SLC25A10: variants seen among roughly 807,000 people sequenced by gnomAD.
SLC25A10 encodes the protein mitochondrial dicarboxylate carrier.
Under a neutral mutation model 40.4 loss-of-function variants are expected in SLC25A10, and 32 were observed. That is an observed-to-expected ratio of 0.79 (90% CI 0.60 to 1.06). The LOEUF is 1.06. SLC25A10 is among the 50% of genes least tolerant of loss of function. The probability of loss-of-function intolerance (pLI) is 0.00; values close to 1 mark genes in which losing one functional copy is unlikely to be tolerated. For missense variants in SLC25A10, 394 were observed against 402.6 expected (o/e 0.98, Z 0.18); for synonymous variants, 181 against 171.1 (o/e 1.06, Z -0.45).
intron 9 of SLC25A10, among the ~76,000 whole-genome samples, chr17:81,718,620 A>G (rs1475780819): frequency 6.6e-6 from 1 of 151,886 alleles, no homozygotes; most frequent in African/African-American, 2.4e-5. Flanking sequence ...GCACCACTGC[A>G]TTCCAGCCTG....
rs775458021 is a variant in SLC25A10, at chr17:81,716,764, GCCGGTGGT to G, written c.420-46_420-39del. 5 of 1,575,360 alleles carry G rather than the reference GCCGGTGGT, an allele frequency of 3.2e-6. No individual in the cohort carries two copies. The African/African-American group carries it at 6.7e-5, about 21-fold the overall frequency. Reference sequence around the variant, plus strand: ...GGGCCTGGGAGGACCCTCTGTGGGAGCCGGTGGTCAGGGGGAGTCTCATGTGGTCATTC... The same window carrying G: ...GGGCCTGGGAGGACCCTCTGTGGGAGCAGGGGGAGTCTCATGTGGTCATTC... On this transcript the variant is annotated intron_variant, in intron 5 of 10. Coordinates refer to ENST00000350690, the MANE Select transcript of SLC25A10 (RefSeq NM_012140.5).
rs1195744911 is a variant in SLC25A10, at chr17:81,720,322, C to G, written c.*245C>G. 26 of 1,428,650 alleles carry G rather than the reference C, an allele frequency of 1.8e-5. No individual in the cohort carries two copies. Among genetic ancestry groups the G allele is most frequent in the Non-Finnish European group, 5.5e-6 (6 of 1,096,856 alleles). 88.5% of individuals were successfully genotyped at this position (1,428,650 alleles called of 1,614,324 possible). On this transcript the variant is annotated 3_prime_UTR_variant, in exon 11 of 11. Transcript: ENST00000350690. The stretch of plus-strand genomic sequence containing the variant: ...CCCGGCTGGGCACTGCGTGGCCTTG[C>G]CCCTCTCCCGCTGGCAGCTCCTCAG...
At chr17:81,717,124 C>A in intron 7 of SLC25A10, 52 bp downstream of exon 7, 1 of 1,572,010 alleles carries the variant, frequency 6.4e-7, no homozygotes, top group Non-Finnish European at 8.7e-7. Flanking sequence ...CCACTGACCT[C>A]CATCTTCAGA....
chr17:81,716,335 G>A (rs1046808203), intron 5 of SLC25A10, among the ~76,000 whole-genome samples: 7 of 152,192 alleles, frequency 4.6e-5, no homozygotes, highest in East Asian at 3.9e-4. Context: ...TGGAGAGAGC[G>A]CATGCAACAG....
chr17:81,719,458 G>A (rs185486734), intron 9 of SLC25A10, among the ~76,000 whole-genome samples: 71 of 152,272 alleles, frequency 4.7e-4, no homozygotes, highest in African/African-American at 1.7e-3. Flanking sequence ...TTGGGCCCCC[G>A]CCAACTCCAT....
chr17:81,718,068 C>T (rs543378996), intron 9 of SLC25A10, among the ~76,000 whole-genome samples: 53 of 152,252 alleles, frequency 3.5e-4, no homozygotes, highest in African/African-American at 1.1e-3. Flanking sequence ...CTTCTTGGCC[C>T]GGCGCAGTGG....
At chr17:81,717,658 TG>T in intron 8 of SLC25A10, 125 bp from the exon 9 acceptor site, 1 of 1,314,268 alleles carries the variant, frequency 7.6e-7, no homozygotes, top group Non-Finnish European at 1.1e-6. Context: ...TGGGTCAGCC[TG>T]GTGCCCCCGC....
chr17:81,717,881 T>C lies in SLC25A10; in HGVS notation c.705+20T>C, dbSNP rs1346039825. On this transcript the variant is annotated intron_variant, in intron 9 of 10. Coordinates refer to ENST00000350690, the MANE Select transcript of SLC25A10 (RefSeq NM_012140.5). The stretch of plus-strand genomic sequence containing the variant: ...TATCAGGTGAGTGGGGCCCTGCCTG[T>C]GCAGTTGGGCTGCACAGCCCAGCGA... 2.5e-6 allele frequency: 4 copies of C among 1,588,402 alleles called. No homozygotes were observed. In the East Asian group the frequency reaches 6.8e-5, roughly 27 times the overall value.
Position 81,720,190 on chromosome 17 carries a change from C to G in SLC25A10, c.*113C>G, listed in dbSNP as rs1482718510. ...GACCTCCCTGGCCGTGGCCACCCGT[C>G]CTCCGCAGCAGGCCCCTGCTGTCCC... On this transcript the variant is annotated 3_prime_UTR_variant, in exon 11 of 11. Transcript: ENST00000350690. 14 of 1,509,348 alleles carry G rather than the reference C, an allele frequency of 9.3e-6. No individual in the cohort carries two copies. The highest frequency in any genetic ancestry group is 1.2e-5 in the Non-Finnish European group (14 of 1,136,728). The allele number at this position is 1,509,348 out of a possible 1,614,324, so 93.5% of individuals were successfully genotyped here.
chr17:81,716,681 G>A, intron 5 of SLC25A10, 131 bp from the exon 6 acceptor site: 1 of 877,604 alleles, frequency 1.1e-6, no homozygotes, highest in Non-Finnish European at 1.8e-6. Flanking sequence ...ATGTTCCCAG[G>A]GAGAGATCTT....
At chr17:81,713,809 A>G (rs1013873592) in intron 1 of SLC25A10, among the ~76,000 whole-genome samples, 2 of 151,976 alleles carry the variant, frequency 1.3e-5, no homozygotes, top group Admixed American at 6.5e-5. Flanking sequence ...GCCCTCCCCA[A>G]CCAGGCGCTC....
At chr17:81,719,942 C>T (rs2037560219) in intron 10 of SLC25A10, 34 bp from the exon 11 acceptor site, 1 of 1,613,382 alleles carries the variant, frequency 6.2e-7, no homozygotes, top group Non-Finnish European at 8.5e-7. Context: ...CCCCTTCGGG[C>T]TCTGTGTCTC....
intron 1 of SLC25A10, among the ~76,000 whole-genome samples, chr17:81,714,038 G>T (rs545518820): frequency 2.0e-5 from 3 of 152,220 alleles, no homozygotes; most frequent in Non-Finnish European, 2.9e-5. Flanking sequence ...TGGCCGGGAC[G>T]GGGGCTGCTA....
chr17:81,717,568 G>A, intron 8 of SLC25A10, 77 bp downstream of exon 8: 1 of 1,534,348 alleles, frequency 6.5e-7, no homozygotes, highest in Non-Finnish European at 9.0e-7. Flanking sequence ...TGGGGCGAGG[G>A]CTGGGGGAGG....
chr17:81,712,395 G>C lies in SLC25A10; in HGVS notation c.-32G>C, dbSNP rs1171007740. On this transcript the variant is annotated 5_prime_UTR_variant, in exon 1 of 11. Transcript: ENST00000350690. ...GCCGGGGTAGGGCCGGGGTCGGGTT[G>C]TGGTCGGGCCGGGATTGGGCTCTCC... 2.4e-6 allele frequency: 3 copies of C among 1,241,534 alleles called. No individual in the cohort carries two copies. Among genetic ancestry groups the C allele is most frequent in the Non-Finnish European group, 3.0e-6 (3 of 987,624 alleles). The allele number at this position is 1,241,534 out of a possible 1,614,324, so 76.9% of individuals were successfully genotyped here. A position where few individuals can be genotyped will look rare whatever the true frequency, so the allele number is the denominator to read the frequency against.
rs1242226596 is a variant in SLC25A10, at chr17:81,720,205, C to T, written c.*128C>T. The T allele has an allele frequency of 2.7e-6, 4 of 1,476,144 alleles. No individual in the cohort carries two copies. The highest frequency in any genetic ancestry group is 3.6e-6 in the Non-Finnish European group (4 of 1,121,680). The allele number at this position is 1,476,144 out of a possible 1,614,324, so 91.4% of individuals were successfully genotyped here. A position where few individuals can be genotyped will look rare whatever the true frequency, so the allele number is the denominator to read the frequency against. ...GGCCACCCGTCCTCCGCAGCAGGCCCCTGCTGTCCCCCCACCTGCTGGCTG... is the reference window on the plus strand; with the variant it reads ...GGCCACCCGTCCTCCGCAGCAGGCCTCTGCTGTCCCCCCACCTGCTGGCTG... On this transcript the variant is annotated 3_prime_UTR_variant, in exon 11 of 11. Transcript: ENST00000350690.
At chr17:81,712,657 G>C in intron 1 of SLC25A10, 138 bp downstream of exon 1, 1 of 589,686 alleles carries the variant, frequency 1.7e-6, no homozygotes, top group Non-Finnish European at 2.5e-6. Flanking sequence ...GGAGGCCCCC[G>C]ACGCCCGGAT....
intron 2 of SLC25A10, 133 bp from the exon 3 acceptor site, chr17:81,715,345 A>G (rs1017155347): frequency 1.9e-5 from 16 of 851,572 alleles, no homozygotes; most frequent in Non-Finnish European, 3.0e-5. Flanking sequence ...GCATGCTGGC[A>G]CAGTGGCCTT....
At position 81,720,098 on chromosome 17, in the gene SLC25A10, G is replaced by T. The variant is rs766301796; in HGVS notation, c.*21G>T. ...CCTGACCAGCCGTGGGAATGGCTGG[G>T]CTGCCAGGCCAGACACGCTAGGTTC... On this transcript the variant is annotated 3_prime_UTR_variant, in exon 11 of 11. Coordinates refer to ENST00000350690, the MANE Select transcript of SLC25A10 (RefSeq NM_012140.5). The T allele has an allele frequency of 1.9e-5, 30 of 1,610,904 alleles. No homozygotes were observed. The African/African-American group carries it at 3.7e-4, about 20-fold the overall frequency.
Sources: allele counts gnomAD v4.1 joint callset (sites outside exome capture counted in the v4.1 genomes callset), GRCh38; gene constraint gnomAD v4.1.1; transcripts MANE v1.5; gene names NCBI Gene and HGNC (gene_info 2026-07-23, HGNC 2026-07-21).